Variants in ADORA1 observed in about 807,000 individuals in gnomAD.
ADORA1 encodes adenosine A1 receptor.
Under a neutral mutation model 19.9 loss-of-function variants are expected in ADORA1, and 6 were observed. The observed-to-expected ratio is 0.30, with a 90% CI of 0.17 to 0.59. The LOEUF (loss-of-function observed/expected upper bound fraction) is 0.59, where lower values mean the gene tolerates loss of function less well. Among genes scored for constraint, ADORA1 ranks in the 20% least tolerant of loss-of-function variants. The pLI is 0.87. For synonymous variants in ADORA1, 194 were observed against 188.4 expected, an observed-to-expected ratio of 1.03 and a Z score of -0.24; for missense variants, 302 against 439.2, an observed-to-expected ratio of 0.69 and a Z score of 2.79.
intron 3 of ADORA1, among the ~76,000 whole-genome samples, chr1:203,145,616 C>G (rs986640991): frequency 9.9e-5 from 15 of 152,222 alleles, no homozygotes; most frequent in African/African-American, 3.6e-4. Flanking sequence ...AGTCCCAGCT[C>G]TGCCACCTGC....
At chr1:203,129,497 A>G in intron 3 of ADORA1, 1 of 374,610 alleles carries the variant, frequency 2.7e-6, no homozygotes, top group Non-Finnish European at 4.8e-6. Flanking sequence ...AAGAGCCACT[A>G]AGATGGGGTC....
rs1480350114 is a variant in ADORA1, at chr1:203,165,198, T to G, written c.342-63T>G. ...GAGGCCCCTGGAGGCCAGGCGTGCC[T>G]CAGAGGGGCCTTTCGAGGCAGCTGG... On this transcript the variant is annotated intron_variant, in intron 3 of 3. Coordinates refer to ENST00000337894, the MANE Select transcript of ADORA1 (RefSeq NM_000674.3). The surrounding 1 kb of genome is among the most constrained non-coding windows in gnomAD (Gnocchi z 5.9). 2 of 1,600,784 alleles carry G rather than the reference T, an allele frequency of 1.2e-6. No homozygotes were observed. The highest frequency in any genetic ancestry group is 1.7e-6 in the Non-Finnish European group (2 of 1,173,706).
intron 3 of ADORA1, among the ~76,000 whole-genome samples, chr1:203,142,800 G>A (rs1470483950): frequency 6.6e-6 from 1 of 152,160 alleles, no homozygotes; most frequent in Non-Finnish European, 1.5e-5. Flanking sequence ...TGGGGAGCTG[G>A]CTCTGAGGGA....
Position 203,128,294 on chromosome 1 carries a change from T to G in ADORA1, c.-196T>G. On this transcript the variant is annotated 5_prime_UTR_variant, in exon 2 of 4. Coordinates refer to ENST00000337894, the MANE Select transcript of ADORA1 (RefSeq NM_000674.3). This position sits in a 1 kb window ranked among gnomAD's most constrained non-coding sequence, Gnocchi z 5.9. ...GCTTGAAAGGCCGGGCTGGGAGCGC[T>G]GCGGCGGGAGCCGGAGGACTATGAG... 1 of 1,275,090 alleles carries G rather than the reference T, an allele frequency of 7.8e-7. No homozygotes were observed. Among genetic ancestry groups the G allele is most frequent in the Non-Finnish European group, 1.0e-6 (1 of 978,318 alleles). 79.0% of individuals were successfully genotyped at this position (1,275,090 alleles called of 1,614,324 possible). A position where few individuals can be genotyped will look rare whatever the true frequency, so the allele number is the denominator to read the frequency against.
Position 203,128,991 on chromosome 1 carries a change from G to A in ADORA1, c.150G>A (p.Ser50=), listed in dbSNP as rs138340304. ...ATGCCACCTTCTGCTTCATCGTGTC[G>A]CTGGCGGTGGCTGATGTGGCCGTGG... ...LRDATFCFIV[S]LAVADVAVGA... The change falls in exon 3 of 4, where the codon TCG becomes TCA. Residue 50 remains serine (S), a synonymous_variant. Transcript: ENST00000337894. This position sits in a 1 kb window ranked among gnomAD's most constrained non-coding sequence, Gnocchi z 5.9. 4.4e-5 allele frequency: 71 copies of A among 1,614,040 alleles called. No individual in the cohort carries two copies. In the Middle Eastern group the frequency reaches 8.2e-4, roughly 19 times the overall value.
chr1:203,156,105 T>C (rs1255577428), intron 3 of ADORA1, among the ~76,000 whole-genome samples: 2 of 152,220 alleles, frequency 1.3e-5, no homozygotes, highest in South Asian at 4.1e-4. Context: ...AGCACTGATA[T>C]AGGTACTGGG....
Position 203,128,120 on chromosome 1 carries a change from G to A in ADORA1, c.-212-158G>A, listed in dbSNP as rs1442714616. On this transcript the variant is annotated intron_variant, in intron 1 of 3. Transcript: ENST00000337894. The surrounding 1 kb of genome is among the most constrained non-coding windows in gnomAD (Gnocchi z 5.9). ...AAGTGGGTGGGCGCAGGGCAGGTGC[G>A]GGCACGCTGGGGAATAGGGAGAAAC... Among the ~76,000 whole-genome samples, 1 of 152,168 alleles carries A rather than the reference G, an allele frequency of 6.6e-6. No individual in the cohort carries two copies. Among genetic ancestry groups the A allele is most frequent in the African/African-American group, 2.4e-5 (1 of 41,448 alleles).
chr1:203,162,009 T>C (rs1010788623), intron 3 of ADORA1, among the ~76,000 whole-genome samples: 1 of 152,198 alleles, frequency 6.6e-6, no homozygotes, highest in East Asian at 1.9e-4. Context: ...GAGCAGCATC[T>C]CCCTGCTTAG....
At position 203,129,208 on chromosome 1, in the gene ADORA1, C is replaced by T. The variant is rs766175258; in HGVS notation, c.341+26C>T. 1.5e-5 allele frequency: 23 copies of T among 1,582,344 alleles called. No individual in the cohort carries two copies. In the East Asian group the frequency reaches 3.6e-4, roughly 25 times the overall value. On this transcript the variant is annotated intron_variant, in intron 3 of 3. Coordinates refer to ENST00000337894, the MANE Select transcript of ADORA1 (RefSeq NM_000674.3). ...GTGAGTCCACAGCGCCGAAGGTACT[C>T]GCAGCACCACATGATGGCTGGCTTG...
intron 3 of ADORA1, among the ~76,000 whole-genome samples, chr1:203,139,062 G>T (rs1489571158): frequency 6.6e-6 from 1 of 152,148 alleles, no homozygotes; most frequent in African/African-American, 2.4e-5. Flanking sequence ...CCAGTGATCT[G>T]CCCGCCTCGG....
At chr1:203,141,575 T>C (rs1369440162) in intron 3 of ADORA1, among the ~76,000 whole-genome samples, 3 of 132,988 alleles carry the variant, frequency 2.3e-5, no homozygotes, top group South Asian at 2.9e-4. Context: ...AACCTGGATT[T>C]TTTTTTTTTT....
At chr1:203,163,222 T>C (rs544775221) in intron 3 of ADORA1, among the ~76,000 whole-genome samples, 1 of 152,314 alleles carries the variant, frequency 6.6e-6, no homozygotes, top group South Asian at 2.1e-4. Context: ...TAAGAAGAGC[T>C]CAGGCAAAGG....
At chr1:203,132,559 G>A (rs1339522486) in intron 3 of ADORA1, among the ~76,000 whole-genome samples, 1 of 152,208 alleles carries the variant, frequency 6.6e-6, no homozygotes, top group East Asian at 1.9e-4. Context: ...GAAGGGGTTG[G>A]AGGTGGGGCA....
intron 3 of ADORA1, among the ~76,000 whole-genome samples, chr1:203,149,037 C>T (rs1654949996): frequency 6.6e-6 from 1 of 152,142 alleles, no homozygotes; most frequent in South Asian, 2.1e-4. Context: ...GCCACCAAGA[C>T]TGGCTAATAT....
rs1654213569 is a variant in ADORA1, at chr1:203,128,257, T to C, written c.-212-21T>C. On this transcript the variant is annotated intron_variant, in intron 1 of 3. Transcript: ENST00000337894. This position sits in a 1 kb window ranked among gnomAD's most constrained non-coding sequence, Gnocchi z 5.9. Reference sequence around the variant, plus strand: ...AGCGTCCGGGGCTGAGTCTCTGCCGTACCATGTGATTGCTTGAAAGGCCGG... The same window carrying C: ...AGCGTCCGGGGCTGAGTCTCTGCCGCACCATGTGATTGCTTGAAAGGCCGG... 1.7e-6 allele frequency: 2 copies of C among 1,190,900 alleles called. No individual in the cohort carries two copies. The highest frequency in any genetic ancestry group is 2.2e-6 in the Non-Finnish European group (2 of 908,064). The allele number at this position is 1,190,900 out of a possible 1,614,324, so 73.8% of individuals were successfully genotyped here. A position where few individuals can be genotyped will look rare whatever the true frequency, so the allele number is the denominator to read the frequency against.
intron 3 of ADORA1, among the ~76,000 whole-genome samples, chr1:203,141,688 C>A (rs1344626436): frequency 2.2e-5 from 3 of 139,046 alleles, no homozygotes; most frequent in Admixed American, 8.2e-5. Flanking sequence ...TCAAGTGATT[C>A]TCCTGCCTCA....
intron 3 of ADORA1, chr1:203,164,969 GGTC>G: frequency 6.9e-7 from 1 of 1,449,326 alleles, no homozygotes; most frequent in Non-Finnish European, 9.4e-7. Flanking sequence ...TTTTTACTGT[GGTC>G]ATTTCCTTGA....
chr1:203,140,338 C>T (rs1461456622), intron 3 of ADORA1, among the ~76,000 whole-genome samples: 1 of 152,056 alleles, frequency 6.6e-6, no homozygotes, highest in Non-Finnish European at 1.5e-5. Flanking sequence ...TTGGAACCAA[C>T]TGGAAATAGG....
intron 3 of ADORA1, among the ~76,000 whole-genome samples, chr1:203,144,081 TACACACACACACACAC>T (rs10525873): frequency 3.6e-5 from 5 of 139,854 alleles, no homozygotes; most frequent in African/African-American, 8.3e-5. Context: ...GACTACCTCT[TACACACACACACACAC>T]ACACACACAC....
Sources: allele counts gnomAD v4.1 joint callset (sites outside exome capture counted in the v4.1 genomes callset), GRCh38; gene constraint gnomAD v4.1.1; non-coding constraint Gnocchi (gnomAD v3.1); transcripts MANE v1.5; gene names NCBI Gene and HGNC (gene_info 2026-07-23, HGNC 2026-07-21).